Variants in SNX6 observed in about 807,000 individuals in gnomAD.
SNX6 encodes the protein sorting nexin 6, also known as sorting nexin-6.
In SNX6, 34 loss-of-function variants were observed where a neutral mutation model predicts 63.0. The observed-to-expected ratio is 0.54, with a 90% CI of 0.41 to 0.72. The LOEUF (loss-of-function observed/expected upper bound fraction) is 0.72. Ranked by LOEUF, SNX6 falls within the 30% of genes least tolerant of loss-of-function variation. The pLI is 0.00. For missense variants in SNX6, 398 were observed against 471.4 expected, an observed-to-expected ratio of 0.84 and a Z score of 1.44; for synonymous variants, 170 against 164.2, an observed-to-expected ratio of 1.04 and a Z score of -0.27.
chr14:34,586,374 C>A, intron 8 of SNX6, 69 bp from the exon 9 acceptor site: 1 of 982,168 alleles, frequency 1.0e-6, no homozygotes, highest in Non-Finnish European at 1.6e-6. Context: ...GAGCAATTAC[C>A]TCTCAAACAA....
intron 9 of SNX6, among the ~76,000 whole-genome samples, chr14:34,582,921 C>T (rs1002174218): frequency 6.6e-6 from 1 of 151,922 alleles, no homozygotes; most frequent in Non-Finnish European, 1.5e-5. Context: ...TGAGACTAGT[C>T]TGGGCAACAC....
In SNX6 at chr14:34,608,036, A is replaced by G; in HGVS notation, c.264T>C (p.Gly88=). The change falls in exon 4 of 14, where the codon GGT becomes GGC. Residue 88 remains glycine (G), a synonymous_variant. Transcript: ENST00000362031. ...DSFVENEDYA[G]YIIPPAPPRP... is the part of the protein sequence containing the mutation. ...ATGGAGTCTCAATACTTACGATATA[A>G]CCTGCATAGTCTTCATTTTCAACAA... 1 of 1,559,370 alleles carries G rather than the reference A, an allele frequency of 6.4e-7. No individual in the cohort carries two copies. Among genetic ancestry groups the G allele is most frequent in the Middle Eastern group, 1.7e-4 (1 of 5,814 alleles).
At chr14:34,623,728 C>G (rs1186102455) in intron 2 of SNX6, among the ~76,000 whole-genome samples, 2 of 152,140 alleles carry the variant, frequency 1.3e-5, no homozygotes, top group African/African-American at 2.4e-5. Context: ...GCCGGCACAA[C>G]TGGAAAGTGA....
chr14:34,619,637 T>C (rs1883552880), intron 2 of SNX6, among the ~76,000 whole-genome samples: 1 of 152,126 alleles, frequency 6.6e-6, no homozygotes, highest in Non-Finnish European at 1.5e-5. Flanking sequence ...ATCAATCTTA[T>C]GTAATATAAA....
chr14:34,621,017 T>C (rs549867858), intron 2 of SNX6, among the ~76,000 whole-genome samples: 2 of 152,276 alleles, frequency 1.3e-5, no homozygotes, highest in Non-Finnish European at 2.9e-5. Flanking sequence ...GGTACAATCA[T>C]AGCTCATTAC....
Position 34,567,060 on chromosome 14 carries a change from C to T in SNX6, c.1167+626G>A, listed in dbSNP as rs1034380279. The stretch of plus-strand genomic sequence containing the variant: ...TAACATGGTGAAAACCCTGTCTCTA[C>T]TAAAAATACAAAAATTAGCTGGGTG... On this transcript the variant is annotated intron_variant, in intron 13 of 13. Coordinates refer to ENST00000362031, the MANE Select transcript of SNX6 (RefSeq NM_152233.4). 5.3e-5 allele frequency among the ~76,000 whole-genome samples: 8 copies of T among 151,530 alleles called. No homozygotes were observed. In the South Asian group the frequency reaches 8.3e-4, roughly 16 times the overall value.
intron 2 of SNX6, among the ~76,000 whole-genome samples, chr14:34,628,700 CA>C (rs757312774): frequency 1.7e-4 from 26 of 152,166 alleles, no homozygotes; most frequent in Non-Finnish European, 1.5e-5. Context: ...TCTGTTATTA[CA>C]AACAGCAATA....
At chr14:34,587,269 A>C (rs1882203605) in intron 8 of SNX6, among the ~76,000 whole-genome samples, 2 of 151,818 alleles carry the variant, frequency 1.3e-5, no homozygotes, top group African/African-American at 4.8e-5. Flanking sequence ...ACGGTGGCTC[A>C]TGCCTGTAAT....
intron 2 of SNX6, among the ~76,000 whole-genome samples, chr14:34,621,018 A>G (rs1267718713): frequency 2.0e-5 from 3 of 152,140 alleles, no homozygotes; most frequent in Admixed American, 6.5e-5. Context: ...GTACAATCAT[A>G]GCTCATTACA....
At chr14:34,595,226 C>T (rs1428482971) in intron 7 of SNX6, among the ~76,000 whole-genome samples, 4 of 152,162 alleles carry the variant, frequency 2.6e-5, no homozygotes, top group East Asian at 1.9e-4. Flanking sequence ...CCTCTGCCTC[C>T]GGGGTTCAGG....
chr14:34,588,499 C>T (rs577419621), intron 8 of SNX6, among the ~76,000 whole-genome samples: 10 of 152,134 alleles, frequency 6.6e-5, no homozygotes, highest in African/African-American at 2.2e-4. Flanking sequence ...GATCCACCCA[C>T]CTCAGCCTCC....
At chr14:34,614,053 GGT>G (rs1383950741) in intron 2 of SNX6, among the ~76,000 whole-genome samples, 1 of 151,936 alleles carries the variant, frequency 6.6e-6, no homozygotes, top group African/African-American at 2.4e-5. Context: ...GTTGCAGTGA[GGT>G]GAGATGGTGC....
Position 34,575,775 on chromosome 14 carries a change from C to A in SNX6, c.902G>T (p.Arg301Ile). The change falls in exon 11 of 14, where the codon AGA (arginine) becomes ATA (isoleucine). Residue 301 changes from arginine (R) to isoleucine (I), a missense_variant. Transcript: ENST00000362031. Reference protein sequence around the residue: ...KLSDLLKYYLRESQAAKDLLY... With the variant: ...KLSDLLKYYLIESQAAKDLLY... ...AATTACCTTAGCAGCTTGAGATTCT[C>A]TTAAGTAATATTTTAAAAGATCAGA... 1 of 1,586,040 alleles carries A rather than the reference C, an allele frequency of 6.3e-7. No individual in the cohort carries two copies. The highest frequency in any genetic ancestry group is 8.6e-7 in the Non-Finnish European group (1 of 1,163,988).
rs527713464 is a variant in SNX6 at position 34,606,096 on chromosome 14, C to T, written c.271-379G>A. On this transcript the variant is annotated intron_variant, in intron 4 of 13. Coordinates refer to ENST00000362031, the MANE Select transcript of SNX6 (RefSeq NM_152233.4). Reference sequence around the variant, plus strand: ...GGCTGAGGCATGAGAATCGCTTGAACCTGGGAGTCGGAGGTTGCAGTGAGC... The same window carrying T: ...GGCTGAGGCATGAGAATCGCTTGAATCTGGGAGTCGGAGGTTGCAGTGAGC... Among the ~76,000 whole-genome samples the T allele has an allele frequency of 2.6e-5, 4 of 151,834 alleles. No homozygotes were observed. The South Asian group carries it at 8.4e-4, about 32-fold the overall frequency.
chr14:34,597,503 T>C (rs1256448074), intron 7 of SNX6, 47 bp downstream of exon 7: 1 of 1,099,622 alleles, frequency 9.1e-7, no homozygotes, highest in Non-Finnish European at 1.4e-6. Flanking sequence ...ATCTCCCTTT[T>C]AAAAGAAGTC....
chr14:34,597,639 C>G lies in SNX6; in HGVS notation c.523G>C (p.Val175Leu). The change falls in exon 7 of 14, where the codon GTG becomes CTG. Residue 175 changes from valine (V) to leucine (L), a missense_variant. Transcript: ENST00000362031. ...TTCTCTTTTTTATTTTTTCCTCGCA[C>G]ACTCAACTGAAAGAAAGGTAATTTA... is the stretch of plus-strand genomic sequence containing the variant. ...VFLEYNQDLS[V>L]RGKNKKEKLE... The G allele has an allele frequency of 6.3e-7, 1 of 1,577,930 alleles. No individual in the cohort carries two copies. Among genetic ancestry groups the G allele is most frequent in the African/African-American group, 1.4e-5 (1 of 73,750 alleles).
intron 6 of SNX6, among the ~76,000 whole-genome samples, chr14:34,601,219 CTTTTTTTTTTTT>C (rs77009422): frequency 0.81 from 116,564 of 143,382 alleles, 47,672 homozygotes; most frequent in Non-Finnish European, 0.88. Context: ...AACCCTATTT[CTTTTTTTTTTTT>C]TTTTTTTTTT....
intron 2 of SNX6, among the ~76,000 whole-genome samples, chr14:34,616,802 G>A (rs1274540275): frequency 6.6e-6 from 1 of 152,170 alleles, no homozygotes; most frequent in Non-Finnish European, 1.5e-5. Flanking sequence ...GCTGGGTGTG[G>A]TGGCTCATGC....
intron 11 of SNX6, among the ~76,000 whole-genome samples, chr14:34,568,226 C>T (rs1268734709): frequency 1.3e-5 from 2 of 149,578 alleles, no homozygotes; most frequent in African/African-American, 2.5e-5. Flanking sequence ...CTCACCGCAA[C>T]CTCTGAATTT....
Sources: allele counts gnomAD v4.1 joint callset (sites outside exome capture counted in the v4.1 genomes callset), GRCh38; gene constraint gnomAD v4.1.1; transcripts MANE v1.5; gene names NCBI Gene and HGNC (gene_info 2026-07-23, HGNC 2026-07-21).